Variants in STIM1 observed in about 807,000 individuals in gnomAD.
STIM1 encodes stromal interaction molecule 1.
STIM1 carries 25 observed loss-of-function variants against 74.7 expected under a neutral mutation model. The ratio of observed to expected loss-of-function variants is 0.33; its 90% CI spans 0.24 to 0.47. The LOEUF (loss-of-function observed/expected upper bound fraction) is 0.47, where lower values mean the gene tolerates loss of function less well. Ranked by LOEUF, STIM1 falls within the 20% of genes least tolerant of loss-of-function variation. The pLI is 1.00. For missense variants in STIM1, 728 were observed against 920.8 expected (o/e 0.79, Z 2.71); for synonymous variants, 328 against 348.8 (o/e 0.94, Z 0.66).
Position 4,091,372 on chromosome 11 carries a change from A to G in STIM1, c.1725A>G (p.Ala575=), listed in dbSNP as rs146393409. The change falls in exon 13 of 13, where the codon GCA becomes GCG. Residue 575 remains alanine (A), a synonymous_variant. Coordinates refer to ENST00000526596, the MANE Select transcript of STIM1 (RefSeq NM_001382567.1). ...APKPPQMSRA[A]DEALNAMTSN... is the part of the protein sequence containing the mutation. Reference sequence around the variant, plus strand: ...AACCTCCTCAGATGAGCCGTGCTGCAGACGAGGCTCTCAATGCCATGACTT... The same window carrying G: ...AACCTCCTCAGATGAGCCGTGCTGCGGACGAGGCTCTCAATGCCATGACTT... 2.5e-6 allele frequency: 4 copies of G among 1,614,104 alleles called. No individual in the cohort carries two copies. The highest frequency in any genetic ancestry group is 2.7e-5 in the African/African-American group (2 of 74,938).
chr11:4,054,062 A>G (rs916476338), intron 3 of STIM1, among the ~76,000 whole-genome samples: 3 of 152,216 alleles, frequency 2.0e-5, no homozygotes, highest in Non-Finnish European at 4.4e-5. Context: ...CTGAATTCTT[A>G]ATTTATTTAA....
intron 1 of STIM1, among the ~76,000 whole-genome samples, chr11:3,939,313 C>T (rs2135594769): frequency 6.6e-6 from 1 of 152,284 alleles, no homozygotes; most frequent in Non-Finnish European, 1.5e-5. Context: ...CTTTTCCAAA[C>T]TGAAAATTCT....
chr11:4,000,690 C>T (rs1459006304), intron 2 of STIM1, among the ~76,000 whole-genome samples: 1 of 152,204 alleles, frequency 6.6e-6, no homozygotes, highest in Non-Finnish European at 1.5e-5. Flanking sequence ...TCTCCTCCTC[C>T]AAAGGAACGC....
chr11:3,873,211 T>G (rs1033033771), intron 1 of STIM1, among the ~76,000 whole-genome samples: 5 of 151,458 alleles, frequency 3.3e-5, no homozygotes, highest in African/African-American at 1.2e-4. Flanking sequence ...AGGTAGGGAG[T>G]TCGAGAGCAG....
At chr11:3,863,401 C>A (rs760008566) in intron 1 of STIM1, among the ~76,000 whole-genome samples, 3 of 151,900 alleles carry the variant, frequency 2.0e-5, no homozygotes, top group Non-Finnish European at 4.4e-5. Flanking sequence ...GGACTGCAGG[C>A]ATGTGCCACC....
At chr11:4,015,341 GA>G in intron 2 of STIM1, among the ~76,000 whole-genome samples, 1 of 152,044 alleles carries the variant, frequency 6.6e-6, no homozygotes, top group East Asian at 1.9e-4. Context: ...ATTCTGGGTT[GA>G]AAATTCTTTA....
At chr11:4,013,832 G>A (rs562934171) in intron 2 of STIM1, among the ~76,000 whole-genome samples, 66 of 151,382 alleles carry the variant, frequency 4.4e-4, no homozygotes, top group African/African-American at 1.2e-3. Flanking sequence ...CGCCTCCCGA[G>A]TAGCTGGGAC....
intron 10 of STIM1, 44 bp downstream of exon 10, chr11:4,083,542 T>A: frequency 6.4e-7 from 1 of 1,562,256 alleles, no homozygotes; most frequent in Non-Finnish European, 8.7e-7. Context: ...GCCTTTGATG[T>A]ACAGGTTGAG....
chr11:3,869,676 A>G (rs1036160713), intron 1 of STIM1, among the ~76,000 whole-genome samples: 1 of 152,244 alleles, frequency 6.6e-6, no homozygotes, highest in Non-Finnish European at 1.5e-5. Context: ...TTGTCAGGCT[A>G]CTTGATTCCA....
intron 1 of STIM1, among the ~76,000 whole-genome samples, chr11:3,959,767 G>A (rs1351962653): frequency 1.3e-5 from 2 of 152,044 alleles, no homozygotes; most frequent in Non-Finnish European, 2.9e-5. Flanking sequence ...GTGGCAGCAA[G>A]GCCTTTTCAG....
chr11:3,886,010 A>T (rs1276728378), intron 1 of STIM1, among the ~76,000 whole-genome samples: 3 of 152,208 alleles, frequency 2.0e-5, no homozygotes, highest in Non-Finnish European at 4.4e-5. Context: ...TTGAGGATAT[A>T]GCATTGTCCT....
intron 2 of STIM1, among the ~76,000 whole-genome samples, chr11:3,978,783 G>C (rs909458266): frequency 6.6e-6 from 1 of 151,920 alleles, no homozygotes; most frequent in Non-Finnish European, 1.5e-5. Flanking sequence ...GAGTTTAGTG[G>C]GGGTAGAAAT....
At chr11:4,011,698 C>T (rs903784213) in intron 2 of STIM1, among the ~76,000 whole-genome samples, 14 of 152,166 alleles carry the variant, frequency 9.2e-5, no homozygotes, top group African/African-American at 3.4e-4. Context: ...CTGATAGTTT[C>T]TTTTGCTGTG....
Position 3,954,366 on chromosome 11 carries a change from A to G in STIM1, c.140-13186A>G, listed in dbSNP as rs1189518846. The stretch of plus-strand genomic sequence containing the variant: ...TGTGCATTTGTTTGTTCGTTCAACA[A>G]ATGTTCATTGAAGTCTAACCGTTGT... On this transcript the variant is annotated intron_variant, in intron 1 of 12. Transcript: ENST00000526596. Among the ~76,000 whole-genome samples, 3 of 152,198 alleles carry G rather than the reference A, an allele frequency of 2.0e-5. No homozygotes were observed. In the East Asian group the frequency reaches 5.8e-4, roughly 29 times the overall value.
rs190119212 is a variant in STIM1, at chr11:4,076,601, T to C, written c.969+1922T>C. Among the ~76,000 whole-genome samples, 18 of 151,946 alleles carry C rather than the reference T, an allele frequency of 1.2e-4. 1 individual carries two copies. The highest frequency in any genetic ancestry group is 1.2e-3 in the Admixed American group (18 of 15,266). Reference sequence around the variant, plus strand: ...TTCCCTAAATTTTCTTCTGAACCTTTATTGTTTGTCTTTTCACATTTAGGG... The same window carrying C: ...TTCCCTAAATTTTCTTCTGAACCTTCATTGTTTGTCTTTTCACATTTAGGG... On this transcript the variant is annotated intron_variant, in intron 7 of 12. Coordinates refer to ENST00000526596, the MANE Select transcript of STIM1 (RefSeq NM_001382567.1).
intron 1 of STIM1, among the ~76,000 whole-genome samples, chr11:3,897,511 T>A (rs2092218196): frequency 6.6e-6 from 1 of 152,172 alleles, no homozygotes; most frequent in African/African-American, 2.4e-5. Flanking sequence ...TTTTTATTTT[T>A]TTATTTTATT....
intron 2 of STIM1, among the ~76,000 whole-genome samples, chr11:4,022,782 G>A (rs951991983): frequency 2.0e-5 from 3 of 152,212 alleles, no homozygotes; most frequent in Non-Finnish European, 2.9e-5. Flanking sequence ...CTTTCCACAT[G>A]ATATCTCCAG....
chr11:3,991,398 T>TGGGCTCAAGCTCTCCTCCC (rs2093610142), intron 2 of STIM1, among the ~76,000 whole-genome samples: 1 of 151,680 alleles, frequency 6.6e-6, no homozygotes. Flanking sequence ...CTTGAACTCC[T>TGGGCTCAAGCTCTCCTCCC]GGGCTCAAGC....
chr11:3,961,363 C>A, intron 1 of STIM1: 1 of 258,902 alleles, frequency 3.9e-6, no homozygotes. Context: ...ACTGAAACAA[C>A]TCTATGGGCT....
Sources: allele counts gnomAD v4.1 joint callset (sites outside exome capture counted in the v4.1 genomes callset), GRCh38; gene constraint gnomAD v4.1.1; transcripts MANE v1.5; gene names NCBI Gene and HGNC (gene_info 2026-07-23, HGNC 2026-07-21).